DGKB: variants seen among roughly 807,000 people sequenced by gnomAD.
DGKB encodes 90 kDa diacylglycerol kinase.
Under a neutral mutation model 114.3 loss-of-function variants are expected in DGKB, and 67 were observed. That is an observed-to-expected ratio of 0.59 (90% CI 0.48 to 0.72). DGKB has a LOEUF of 0.72. DGKB is among the 30% of genes least tolerant of loss of function. The pLI, the probability that DGKB is intolerant of heterozygous loss-of-function variation, is 0.00. For missense variants in DGKB, 907 were observed against 975.2 expected (o/e 0.93, Z 0.93); for synonymous variants, 398 against 323.1 (o/e 1.23, Z -2.49).
At chr7:14,656,751 TATAC>T in intron 13 of DGKB, among the ~76,000 whole-genome samples, 1 of 127,708 alleles carries the variant, frequency 7.8e-6, no homozygotes, top group Middle Eastern at 4.0e-3. Context: ...ATATAGGATA[TATAC>T]ACACACACAC....
chr7:14,580,494 T>C (rs1799763506), intron 19 of DGKB, among the ~76,000 whole-genome samples: 1 of 152,218 alleles, frequency 6.6e-6, no homozygotes, highest in Non-Finnish European at 1.5e-5. Context: ...CTTTCATCTT[T>C]CCTTTGTTTG....
At chr7:14,502,350 C>T (rs1342049996) in intron 20 of DGKB, among the ~76,000 whole-genome samples, 1 of 151,798 alleles carries the variant, frequency 6.6e-6, no homozygotes, top group Non-Finnish European at 1.5e-5. Flanking sequence ...GAATTTTATC[C>T]CCAACCCCAG....
chr7:14,238,893 T>A (rs1469892430), intron 23 of DGKB, among the ~76,000 whole-genome samples: 12 of 152,040 alleles, frequency 7.9e-5, no homozygotes, highest in Non-Finnish European at 1.8e-4. Flanking sequence ...AAAAAATAAT[T>A]TTTTTATTTG....
At chr7:14,873,346 TC>T (rs1269389564) in intron 1 of DGKB, among the ~76,000 whole-genome samples, 20 of 152,114 alleles carry the variant, frequency 1.3e-4, no homozygotes, top group Non-Finnish European at 2.9e-4. Context: ...CATATTTTGT[TC>T]TTAATCATGA....
chr7:14,194,472 CT>C (rs1784743470), intron 23 of DGKB, among the ~76,000 whole-genome samples: 1 of 152,046 alleles, frequency 6.6e-6, no homozygotes, highest in African/African-American at 2.4e-5. Context: ...CATTATCTCA[CT>C]CATTTTTAGA....
chr7:14,342,968 T>A (rs1221351596), intron 22 of DGKB, among the ~76,000 whole-genome samples: 2 of 151,870 alleles, frequency 1.3e-5, no homozygotes, highest in African/African-American at 4.8e-5. Flanking sequence ...TGTTATATAT[T>A]TTTCAAACCA....
intron 12 of DGKB, among the ~76,000 whole-genome samples, chr7:14,681,612 C>G (rs1820851408): frequency 6.6e-6 from 1 of 151,996 alleles, no homozygotes; most frequent in African/African-American, 2.4e-5. Flanking sequence ...AGTCCTGTAA[C>G]ACGAATACTC....
chr7:14,690,665 T>C (rs923498101), intron 9 of DGKB, among the ~76,000 whole-genome samples: 3 of 152,348 alleles, frequency 2.0e-5, no homozygotes, highest in African/African-American at 7.2e-5. Flanking sequence ...CAGCAGAGTT[T>C]AGCAGTTAAG....
Position 14,838,431 on chromosome 7 carries a change from T to C in DGKB, c.70+2763A>G, listed in dbSNP as rs139452772. Among the ~76,000 whole-genome samples, 834 of 152,272 alleles carry C rather than the reference T, an allele frequency of 5.5e-3. 8 individuals carry two copies. The highest frequency in any genetic ancestry group is 7.0e-3 in the Non-Finnish European group (474 of 68,004). On this transcript the variant is annotated intron_variant, in intron 2 of 25. Transcript: ENST00000402815. The stretch of plus-strand genomic sequence containing the variant: ...AATATATTTTAATAAACAAGCCAAA[T>C]TCAACATAACCTAAGCCAAACTCAA...
chr7:14,901,605 A>ACCCCCCCCCCCCCCCCCCCCTCCCCC, intron 1 of DGKB, among the ~76,000 whole-genome samples: 1 of 123,094 alleles, frequency 8.1e-6, no homozygotes, highest in South Asian at 3.0e-4. Context: ...AGGGATTTCC[A>ACCCCCCCCCCCCCCCCCCCCTCCCCC]CCCCCCCCCA....
At chr7:14,521,305 G>A (rs1311854606) in intron 20 of DGKB, among the ~76,000 whole-genome samples, 1 of 152,110 alleles carries the variant, frequency 6.6e-6, no homozygotes, top group Non-Finnish European at 1.5e-5. Flanking sequence ...ACAAGCAATA[G>A]AGAAACAACT....
intron 3 of DGKB, among the ~76,000 whole-genome samples, 153 bp downstream of exon 3, chr7:14,757,502 A>G (rs1361826063): frequency 6.6e-6 from 1 of 151,962 alleles, no homozygotes; most frequent in African/African-American, 2.4e-5. Flanking sequence ...ACACACATAC[A>G]CATATACATA....
intron 20 of DGKB, among the ~76,000 whole-genome samples, chr7:14,532,297 T>G (rs1456937338): frequency 6.7e-6 from 1 of 150,346 alleles, no homozygotes; most frequent in Non-Finnish European, 1.5e-5. Context: ...TATCAATAAT[T>G]TCATAAATAT....
At chr7:14,235,327 C>G (rs1283420421) in intron 23 of DGKB, among the ~76,000 whole-genome samples, 1 of 152,078 alleles carries the variant, frequency 6.6e-6, no homozygotes, top group African/African-American at 2.4e-5. Flanking sequence ...ATGGAATGGT[C>G]TCTCTACAGT....
intron 23 of DGKB, among the ~76,000 whole-genome samples, chr7:14,297,033 A>G (rs1562869162): frequency 6.6e-6 from 1 of 152,214 alleles, no homozygotes; most frequent in Non-Finnish European, 1.5e-5. Context: ...GAATAGATCA[A>G]TAACAAGTTC....
intron 23 of DGKB, among the ~76,000 whole-genome samples, chr7:14,323,830 T>A (rs1808257025): frequency 6.6e-6 from 1 of 152,204 alleles, no homozygotes; most frequent in African/African-American, 2.4e-5. Flanking sequence ...CATGATTATT[T>A]CTTGTTATCT....
At chr7:14,723,387 CA>C (rs1829523229) in intron 5 of DGKB, among the ~76,000 whole-genome samples, 1 of 117,624 alleles carries the variant, frequency 8.5e-6, no homozygotes, top group Admixed American at 8.9e-5. Flanking sequence ...TAAAGCTGGG[CA>C]AAACAAAAGG....
intron 13 of DGKB, among the ~76,000 whole-genome samples, chr7:14,671,522 C>T (rs1006665675): frequency 1.6e-4 from 24 of 152,058 alleles, no homozygotes; most frequent in African/African-American, 4.8e-4. Flanking sequence ...AGAAAATTCA[C>T]GTAACACACG....
At chr7:14,700,176 C>G (rs1164939938) in intron 7 of DGKB, among the ~76,000 whole-genome samples, 1 of 151,276 alleles carries the variant, frequency 6.6e-6, no homozygotes, top group Non-Finnish European at 1.5e-5. Flanking sequence ...AACTGAAGAC[C>G]ACTAGGCACT....
Sources: gnomAD v4.1 joint callset for allele counts (sites outside exome capture counted in the v4.1 genomes callset) on GRCh38, gnomAD v4.1.1 for gene constraint, MANE v1.5 for transcripts, NCBI Gene and HGNC (gene_info 2026-07-23, HGNC 2026-07-21) for gene names.